Variants in RNF11 observed in about 807,000 individuals in gnomAD.
RNF11 encodes the protein ring finger protein 11.
In RNF11, 4 loss-of-function variants were observed where a neutral mutation model predicts 15.8. The ratio of observed to expected loss-of-function variants is 0.25; its 90% CI spans 0.12 to 0.58. The LOEUF is 0.58. Ranked by LOEUF, RNF11 falls within the 20% of genes least tolerant of loss-of-function variation. RNF11 has a pLI of 0.91. For synonymous variants in RNF11, 68 were observed against 72.3 expected (o/e 0.94, Z 0.30); for missense variants, 139 against 194.4 (o/e 0.71, Z 1.70).
intron 1 of RNF11, among the ~76,000 whole-genome samples, chr1:51,254,466 T>A (rs1237628232): frequency 6.6e-6 from 1 of 151,978 alleles, no homozygotes; most frequent in Non-Finnish European, 1.5e-5. Context: ...TTTGTATTTT[T>A]AATTTTTTTT....
intron 1 of RNF11, among the ~76,000 whole-genome samples, chr1:51,240,782 C>T (rs1646825832): frequency 6.6e-6 from 1 of 152,018 alleles, no homozygotes; most frequent in South Asian, 2.1e-4. Flanking sequence ...CTGGGCCTCC[C>T]TGTGTTACCC....
intron 1 of RNF11, among the ~76,000 whole-genome samples, chr1:51,263,583 T>C (rs1646940457): frequency 6.6e-6 from 1 of 152,212 alleles, no homozygotes; most frequent in Non-Finnish European, 1.5e-5. Context: ...GCTTTCAGAC[T>C]CTTTCATTAT....
In RNF11 at chr1:51,250,492, TA is replaced by T. The variant is rs527794022; in HGVS notation, c.123+13614del. On this transcript the variant is annotated intron_variant, in intron 1 of 2. Transcript: ENST00000242719. The stretch of plus-strand genomic sequence containing the variant: ...TAGAGTTGAATAGCGTGGGTCCACT[TA>T]CAGTGCTAATTTGTTTACACAAGTA... 4.0e-3 allele frequency: 2,037 copies of T among 507,400 alleles called. 4 individuals are homozygous for T. Among genetic ancestry groups the T allele is most frequent in the Non-Finnish European group, 4.4e-3 (1,261 of 286,426 alleles). 31.4% of individuals were successfully genotyped at this position (507,400 alleles called of 1,614,324 possible).
At chr1:51,255,947 A>G (rs111864804) in intron 1 of RNF11, among the ~76,000 whole-genome samples, 3,206 of 152,200 alleles carry the variant, frequency 0.021, 96 homozygotes, top group African/African-American at 0.065. Context: ...GGCTATTCTT[A>G]GTCCCTTGTA....
intron 1 of RNF11, among the ~76,000 whole-genome samples, chr1:51,247,978 A>G (rs986962537): frequency 2.0e-5 from 3 of 152,176 alleles, no homozygotes; most frequent in Non-Finnish European, 4.4e-5. Flanking sequence ...TTAAAGTTAC[A>G]TGTAATTTTG....
At position 51,271,440 on chromosome 1, in the gene RNF11, A is replaced by C. The variant is rs1646978256; in HGVS notation, c.*118A>C. 2 of 784,958 alleles carry C rather than the reference A, an allele frequency of 2.5e-6. No homozygotes were observed. 48.6% of individuals were successfully genotyped at this position (784,958 alleles called of 1,614,324 possible). On this transcript the variant is annotated 3_prime_UTR_variant, in exon 3 of 3. Transcript: ENST00000242719. ...AGATCGTGCACAAAAGTTTCCTTAAAATTCCTGGATGGCTGCAGATGTTGG... is the reference window on the plus strand; with the variant it reads ...AGATCGTGCACAAAAGTTTCCTTAACATTCCTGGATGGCTGCAGATGTTGG...
intron 1 of RNF11, among the ~76,000 whole-genome samples, chr1:51,238,392 T>C (rs1374756321): frequency 6.6e-6 from 1 of 152,228 alleles, no homozygotes; most frequent in Non-Finnish European, 1.5e-5. Flanking sequence ...AATCTGTGTT[T>C]CCGGTTTGCT....
chr1:51,259,291 A>C (rs756412617), intron 1 of RNF11, among the ~76,000 whole-genome samples: 17 of 152,210 alleles, frequency 1.1e-4, no homozygotes, highest in Non-Finnish European at 1.9e-4. Flanking sequence ...CAGGTTGAGA[A>C]GCCCTTCACT....
At chr1:51,267,653 C>T (rs77539857) in intron 1 of RNF11, among the ~76,000 whole-genome samples, 93 of 152,346 alleles carry the variant, frequency 6.1e-4, no homozygotes, top group Non-Finnish European at 1.2e-3. Flanking sequence ...ATTCCTGATT[C>T]TCAGAGGGGA....
At chr1:51,238,771 C>T (rs992336770) in intron 1 of RNF11, among the ~76,000 whole-genome samples, 16 of 151,950 alleles carry the variant, frequency 1.1e-4, no homozygotes, top group Non-Finnish European at 1.8e-4. Context: ...TCTGTCACCC[C>T]GGCTGGAGTG....
chr1:51,259,970 G>A (rs1646922935), intron 1 of RNF11, among the ~76,000 whole-genome samples: 1 of 152,176 alleles, frequency 6.6e-6, no homozygotes, highest in African/African-American at 2.4e-5. Context: ...GCCCCTAAAA[G>A]CAGAAATGAT....
At chr1:51,250,906 G>A in intron 1 of RNF11, 1 of 1,065,618 alleles carries the variant, frequency 9.4e-7, no homozygotes. Context: ...AGGTGCACCA[G>A]TGCAGAGCCG....
At chr1:51,249,617 G>A (rs72896477) in intron 1 of RNF11, among the ~76,000 whole-genome samples, 3,198 of 152,226 alleles carry the variant, frequency 0.021, 92 homozygotes, top group African/African-American at 0.065. Flanking sequence ...TGTGAAATTT[G>A]TGTTCTTACG....
chr1:51,258,074 G>T (rs1254926508), intron 1 of RNF11, among the ~76,000 whole-genome samples: 1 of 150,516 alleles, frequency 6.6e-6, no homozygotes, highest in Non-Finnish European at 1.5e-5. Context: ...GGCTGGCCTC[G>T]AACTCCTGAC....
chr1:51,262,819 C>T (rs1010155992), intron 1 of RNF11, among the ~76,000 whole-genome samples: 4 of 149,822 alleles, frequency 2.7e-5, no homozygotes, highest in Non-Finnish European at 5.9e-5. Flanking sequence ...CTGCCTGCCT[C>T]AGCCTCTCGA....
At chr1:51,251,382 A>G in intron 1 of RNF11, 1 of 1,443,196 alleles carries the variant, frequency 6.9e-7, no homozygotes, top group African/African-American at 1.4e-5. Flanking sequence ...CCGGCCCCGG[A>G]TGCCACTGCC....
chr1:51,271,238 T>C lies in RNF11; in HGVS notation c.381T>C (p.Asp127=), dbSNP rs934480281. ...ACATCTATCACCTGGACTGTATAGA[T>C]GACTGGTTGATGAGATCCTTCACGT... The part of the protein sequence containing the change: ...CMHIYHLDCI[D]DWLMRSFTCP... Residue 127 remains aspartate (D), a synonymous_variant, in exon 3 of 3, where the codon GAT becomes GAC. Transcript: ENST00000242719. 6.8e-6 allele frequency: 11 copies of C among 1,614,010 alleles called. No individual in the cohort carries two copies. In the African/African-American group the frequency reaches 1.3e-4, roughly 20 times the overall value.
intron 1 of RNF11, among the ~76,000 whole-genome samples, chr1:51,238,544 G>A (rs1229377153): frequency 6.6e-6 from 1 of 152,142 alleles, no homozygotes; most frequent in African/African-American, 2.4e-5. Flanking sequence ...TAATGAAGTT[G>A]AATTTAGTAT....
chr1:51,253,031 A>T (rs1646888099), intron 1 of RNF11, among the ~76,000 whole-genome samples: 1 of 151,912 alleles, frequency 6.6e-6, no homozygotes. Flanking sequence ...TCACCATGTC[A>T]GCCAGGCTTG....
Sources: allele counts gnomAD v4.1 joint callset (sites outside exome capture counted in the v4.1 genomes callset), GRCh38; gene constraint gnomAD v4.1.1; transcripts MANE v1.5; gene names NCBI Gene and HGNC (gene_info 2026-07-23, HGNC 2026-07-21).